Variants in FREM3 observed in about 807,000 individuals in gnomAD.
FREM3 encodes FRAS1-related extracellular matrix protein 3.
In FREM3, 105 loss-of-function variants were observed where a neutral mutation model predicts 129.1. The observed-to-expected ratio is 0.81, with a 90% CI of 0.69 to 0.96. FREM3 has a LOEUF of 0.96. FREM3 is among the 40% of genes least tolerant of loss of function. The pLI, the probability that FREM3 is intolerant of heterozygous loss-of-function variation, is 0.00. For missense variants in FREM3, 2,593 were observed against 2,666.3 expected (o/e 0.97, Z 0.61); for synonymous variants, 1,014 against 1,044.9 (o/e 0.97, Z 0.57).
At chr4:143,582,494 G>A (rs1112714) in intron 7 of FREM3, among the ~76,000 whole-genome samples, 53,107 of 151,862 alleles carry the variant, frequency 0.35, 9,547 homozygotes, top group Non-Finnish European at 0.37. Context: ...CTCTGAAAAC[G>A]TCCAGAAACA....
intron 2 of FREM3, among the ~76,000 whole-genome samples, chr4:143,653,251 A>G (rs761912757): frequency 7.9e-5 from 12 of 152,224 alleles, no homozygotes; most frequent in Admixed American, 4.6e-4. Flanking sequence ...ACTGAAGTCA[A>G]CGTATTAGCT....
chr4:143,659,655 C>A (rs9684981), intron 2 of FREM3, among the ~76,000 whole-genome samples: 94,993 of 127,172 alleles, frequency 0.75, 36,156 homozygotes, highest in East Asian at 0.94. Flanking sequence ...AGGAATCACC[C>A]CACTGACTTC....
chr4:143,670,515 C>A (rs948707241), intron 2 of FREM3, among the ~76,000 whole-genome samples: 1 of 152,004 alleles, frequency 6.6e-6, no homozygotes, highest in Non-Finnish European at 1.5e-5. Flanking sequence ...ATTTAATAAC[C>A]TGTTAACATA....
At chr4:143,619,366 G>A (rs1180872711) in intron 5 of FREM3, among the ~76,000 whole-genome samples, 1 of 152,072 alleles carries the variant, frequency 6.6e-6, no homozygotes, top group East Asian at 1.9e-4. Context: ...TCTTTGTATG[G>A]CAGCCTTGTG....
At chr4:143,662,816 T>A (rs1739763237) in intron 2 of FREM3, among the ~76,000 whole-genome samples, 1 of 152,072 alleles carries the variant, frequency 6.6e-6, no homozygotes, top group Non-Finnish European at 1.5e-5. Flanking sequence ...CTTGTTGAAT[T>A]GATCCCTTTA....
chr4:143,664,219 T>C (rs1739804840), intron 2 of FREM3, among the ~76,000 whole-genome samples: 1 of 152,160 alleles, frequency 6.6e-6, no homozygotes, highest in Admixed American at 6.6e-5. Context: ...TGTGGTTTTA[T>C]CTACTTTTGG....
chr4:143,678,128 T>G (rs72940270), intron 2 of FREM3, among the ~76,000 whole-genome samples: 11,054 of 152,186 alleles, frequency 0.073, 1,071 homozygotes, highest in African/African-American at 0.21. Context: ...TAGCAAAGAC[T>G]TGGAACCAAT....
intron 5 of FREM3, 119 bp downstream of exon 5, chr4:143,620,918 G>T: frequency 2.0e-6 from 2 of 978,786 alleles, no homozygotes; most frequent in Non-Finnish European, 3.0e-6. Context: ...GACAATGAGG[G>T]GCCCAGGCAT....
intron 6 of FREM3, among the ~76,000 whole-genome samples, chr4:143,591,325 T>A (rs1424470897): frequency 6.6e-6 from 1 of 152,242 alleles, no homozygotes; most frequent in Non-Finnish European, 1.5e-5. Flanking sequence ...CTTTTAATTG[T>A]GATGTTAGGG....
At chr4:143,589,339 G>C (rs139746642) in intron 6 of FREM3, among the ~76,000 whole-genome samples, 50,695 of 152,046 alleles carry the variant, frequency 0.33, 10,377 homozygotes, top group Middle Eastern at 0.47. Flanking sequence ...GAATGGTATT[G>C]CCTAGGTTTT....
intron 2 of FREM3, among the ~76,000 whole-genome samples, chr4:143,650,253 A>G (rs1352753940): frequency 1.3e-5 from 2 of 152,218 alleles, no homozygotes; most frequent in Non-Finnish European, 2.9e-5. Flanking sequence ...GTTTTGCCTG[A>G]ATAGATGAAA....
At chr4:143,616,763 A>T (rs868853395) in intron 5 of FREM3, among the ~76,000 whole-genome samples, 2 of 151,390 alleles carry the variant, frequency 1.3e-5, no homozygotes, top group South Asian at 2.1e-4. Flanking sequence ...ACTGCACTCC[A>T]GCCTGGGCAA....
intron 3 of FREM3, among the ~76,000 whole-genome samples, chr4:143,626,691 G>A (rs1444781534): frequency 1.3e-5 from 2 of 152,248 alleles, no homozygotes; most frequent in African/African-American, 2.4e-5. Flanking sequence ...AAGTCAGGGT[G>A]CTCTTTGGCT....
intron 2 of FREM3, among the ~76,000 whole-genome samples, chr4:143,689,232 A>G (rs1411377873): frequency 6.6e-6 from 1 of 152,124 alleles, no homozygotes; most frequent in African/African-American, 2.4e-5. Flanking sequence ...TGAATAGACA[A>G]TTCTCAAAAG....
intron 2 of FREM3, among the ~76,000 whole-genome samples, chr4:143,668,558 T>A (rs1739906682): frequency 6.6e-6 from 1 of 152,236 alleles, no homozygotes; most frequent in Non-Finnish European, 1.5e-5. Flanking sequence ...TGGCTTCAAT[T>A]CATGAAAGGG....
chr4:143,603,799 A>G (rs1738618592), intron 6 of FREM3, among the ~76,000 whole-genome samples: 2 of 152,148 alleles, frequency 1.3e-5, no homozygotes, highest in Non-Finnish European at 2.9e-5. Flanking sequence ...AGACTAACTC[A>G]TGCCGAGCAG....
In FREM3 at chr4:143,595,675, C is replaced by T. The variant is rs1400116955; in HGVS notation, c.6029-9682G>A. On this transcript the variant is annotated intron_variant, in intron 6 of 7. Transcript: ENST00000329798. ...GGCCAAGGTGGGCGGATCACGAGGT[C>T]TGCAGATCAAGACCATCCTGGCTAA... 2.0e-5 allele frequency among the ~76,000 whole-genome samples: 3 copies of T among 152,036 alleles called. No homozygotes were observed. The East Asian group carries it at 5.8e-4, about 29-fold the overall frequency.
intron 2 of FREM3, among the ~76,000 whole-genome samples, chr4:143,683,961 C>A (rs757707655): frequency 7.2e-5 from 11 of 152,152 alleles, no homozygotes; most frequent in African/African-American, 1.9e-4. Context: ...CTCCAGTGAC[C>A]TGGGAACCTC....
At chr4:143,628,577 C>T (rs1430232664) in intron 2 of FREM3, among the ~76,000 whole-genome samples, 1 of 152,112 alleles carries the variant, frequency 6.6e-6, no homozygotes, top group African/African-American at 2.4e-5. Flanking sequence ...ATGAACTTTA[C>T]CAAATACAGC....
Sources: allele counts gnomAD v4.1 joint callset (sites outside exome capture counted in the v4.1 genomes callset), GRCh38; gene constraint gnomAD v4.1.1; transcripts MANE v1.5; gene names NCBI Gene and HGNC (gene_info 2026-07-23, HGNC 2026-07-21).